FAM91A1: variants seen among roughly 807,000 people sequenced by gnomAD.
The protein encoded by FAM91A1 is family with sequence similarity 91 member A1, also known as protein FAM91A1.
A neutral mutation model predicts 113.5 loss-of-function variants in FAM91A1; 41 were observed. That is an observed-to-expected ratio of 0.36 (90% CI 0.28 to 0.47). The LOEUF is 0.47. Ranked by LOEUF, FAM91A1 falls within the 20% of genes least tolerant of loss-of-function variation. The pLI is 1.00. For missense variants in FAM91A1, 696 were observed against 1,001.2 expected (o/e 0.70, Z 4.11); for synonymous variants, 307 against 347.9 (o/e 0.88, Z 1.31).
chr8:123,779,545 A>G (rs923108310), intron 6 of FAM91A1, among the ~76,000 whole-genome samples: 1 of 152,198 alleles, frequency 6.6e-6, no homozygotes, highest in African/African-American at 2.4e-5. Flanking sequence ...TACTAAATCC[A>G]TTGAGTGGAA....
At chr8:123,792,321 A>G (rs960574333) in intron 15 of FAM91A1, among the ~76,000 whole-genome samples, 8 of 152,258 alleles carry the variant, frequency 5.3e-5, no homozygotes, top group African/African-American at 1.4e-4. Context: ...GCATTGTGAT[A>G]TTATACAAGC....
intron 18 of FAM91A1, among the ~76,000 whole-genome samples, chr8:123,803,228 C>T (rs1248247903): frequency 7.2e-6 from 1 of 139,632 alleles, no homozygotes; most frequent in Admixed American, 7.1e-5. Context: ...GTAGATCAAG[C>T]TAAGTTAGGT....
intron 1 of FAM91A1, among the ~76,000 whole-genome samples, chr8:123,769,711 A>AG: frequency 6.7e-6 from 1 of 148,634 alleles, no homozygotes; most frequent in Non-Finnish European, 1.5e-5. Flanking sequence ...ATTTTACTAA[A>AG]GAAAGACGTA....
intron 11 of FAM91A1, 138 bp from the exon 12 acceptor site, chr8:123,786,357 C>G: frequency 1.6e-6 from 1 of 640,910 alleles, no homozygotes; most frequent in Non-Finnish European, 2.8e-6. Flanking sequence ...CATTTTTGGG[C>G]TGCGACTTAA....
chr8:123,774,094 A>T lies in FAM91A1; in HGVS notation c.87A>T (p.Ser29=). The T allele has an allele frequency of 6.2e-7, 1 of 1,606,888 alleles. No homozygotes were observed. The highest frequency in any genetic ancestry group is 8.5e-7 in the Non-Finnish European group (1 of 1,177,140). The change falls in exon 2 of 24, where the codon TCA becomes TCT. Residue 29 remains serine (S), a synonymous_variant. Coordinates refer to ENST00000334705, the MANE Select transcript of FAM91A1 (RefSeq NM_144963.4). ...PANVRQSLGN[S]QREYEKQVVL... ...ATTTCTCCTAGAGTCTTGGAAATTCACAGAGAGAATATGAAAAGCAGGTTG... is the reference window on the plus strand; with the variant it reads ...ATTTCTCCTAGAGTCTTGGAAATTCTCAGAGAGAATATGAAAAGCAGGTTG...
chr8:123,806,073 T>C lies in FAM91A1; in HGVS notation c.1883-7T>C, dbSNP rs758469860. On this transcript the variant is annotated splice_polypyrimidine_tract_variant and splice_region_variant and intron_variant, in intron 19 of 23. Coordinates refer to ENST00000334705, the MANE Select transcript of FAM91A1 (RefSeq NM_144963.4). ...GTTCATTAATGTGATGTCCGTTCTG[T>C]TTGTAGAGTTCACTCGTGTCAATAT... 22 of 1,573,582 alleles carry C rather than the reference T, an allele frequency of 1.4e-5. No individual in the cohort carries two copies. The East Asian group carries it at 5.0e-4, about 36-fold the overall frequency.
chr8:123,780,608 A>G (rs1182689082), intron 8 of FAM91A1, 66 bp downstream of exon 8: 16 of 1,306,074 alleles, frequency 1.2e-5, no homozygotes, highest in Non-Finnish European at 1.6e-5. Flanking sequence ...ATTGCATATC[A>G]TCCGTTCTAG....
intron 15 of FAM91A1, 64 bp downstream of exon 15, chr8:123,789,809 C>G: frequency 6.4e-7 from 1 of 1,557,454 alleles, no homozygotes; most frequent in Non-Finnish European, 8.8e-7. Flanking sequence ...AGAAATTAAA[C>G]AGATCATGCT....
intron 4 of FAM91A1, 69 bp downstream of exon 4, chr8:123,777,391 A>G: frequency 1.4e-6 from 2 of 1,380,030 alleles, no homozygotes; most frequent in Non-Finnish European, 2.0e-6. Flanking sequence ...TCATCTGTGA[A>G]TATTGTCATG....
chr8:123,777,766 T>TA (rs1219021706), intron 4 of FAM91A1, among the ~76,000 whole-genome samples: 5 of 152,250 alleles, frequency 3.3e-5, no homozygotes, highest in Non-Finnish European at 5.9e-5. Context: ...CGCTGAGAAT[T>TA]ACATTTTGAC....
intron 6 of FAM91A1, 105 bp from the exon 7 acceptor site, chr8:123,779,879 GA>G: frequency 1.2e-6 from 1 of 856,016 alleles, no homozygotes; most frequent in Non-Finnish European, 1.8e-6. Flanking sequence ...GTAGTTCATT[GA>G]GCTAATGACA....
At chr8:123,770,864 T>C (rs542971895) in intron 1 of FAM91A1, among the ~76,000 whole-genome samples, 25 of 152,350 alleles carry the variant, frequency 1.6e-4, no homozygotes, top group Admixed American at 5.9e-4. Context: ...TTTGTAGATG[T>C]TGCAAAACAT....
chr8:123,797,288 A>G (rs191133260), intron 15 of FAM91A1, among the ~76,000 whole-genome samples: 1 of 152,324 alleles, frequency 6.6e-6, no homozygotes, highest in Admixed American at 6.5e-5. Flanking sequence ...CACTGCAGCT[A>G]AAGCAGATGG....
At position 123,780,559 on chromosome 8, in the gene FAM91A1, AT is replaced by A; in HGVS notation, c.703+22del. 1 of 1,603,034 alleles carries A rather than the reference AT, an allele frequency of 6.2e-7. No individual in the cohort carries two copies. The highest frequency in any genetic ancestry group is 8.5e-7 in the Non-Finnish European group (1 of 1,173,210). On this transcript the variant is annotated intron_variant, in intron 8 of 23. Transcript: ENST00000334705. ...GTATAGCAGGTAAGTCCGTGCTAAC[AT>A]TTTTCACTGTTTTTTGAATGGATAT...
rs909732826 is a variant in FAM91A1 at position 123,812,661 on chromosome 8, G to A, written c.2474G>A (p.Arg825Gln). ...GGTGTCTTATCAGAATGGAGTGGAC[G>A]GTCACCTTCCTCACTTCTTATTGCT... is the stretch of plus-strand genomic sequence containing the variant. ...KDGVLSEWSG[R>Q]SPSSLLIANL... Residue 825 changes from arginine to glutamine, a missense_variant, in exon 24 of 24, where the codon CGG (arginine) becomes CAG (glutamine). By Grantham distance (43) the Arg-to-Gln change is conservative. Coordinates refer to ENST00000334705, the MANE Select transcript of FAM91A1 (RefSeq NM_144963.4). 4.4e-6 allele frequency: 7 copies of A among 1,600,858 alleles called. No homozygotes were observed. The highest frequency in any genetic ancestry group is 2.7e-5 in the African/African-American group (2 of 73,996).
At chr8:123,798,839 A>G (rs1338105733) in intron 16 of FAM91A1, among the ~76,000 whole-genome samples, 1 of 152,184 alleles carries the variant, frequency 6.6e-6, no homozygotes. Flanking sequence ...AAAGGAAGGG[A>G]TTCTTGTACG....
At chr8:123,780,608 A>T in intron 8 of FAM91A1, 66 bp downstream of exon 8, 2 of 1,306,192 alleles carry the variant, frequency 1.5e-6, no homozygotes, top group Non-Finnish European at 2.2e-6. Context: ...ATTGCATATC[A>T]TCCGTTCTAG....
rs780586933 is a variant in FAM91A1 at position 123,789,691 on chromosome 8, C to T, written c.1357C>T (p.Arg453Cys). 6.2e-7 allele frequency: 1 copy of T among 1,612,900 alleles called. No individual in the cohort carries two copies. The highest frequency in any genetic ancestry group is 8.5e-7 in the Non-Finnish European group (1 of 1,179,786). The change falls in exon 15 of 24, where the codon CGT becomes TGT. Residue 453 changes from arginine (R) to cysteine (C), a missense_variant. Physicochemically the swap from Arg to Cys is radical, Grantham distance 180. Transcript: ENST00000334705. The part of the protein sequence containing the change: ...LTLRNTILFL[R>C]HNKDLVAQTA... ...TCTGAGAAACACAATACTGTTTCTG[C>T]GTCATAACAAAGATCTAGTTGCGCA... is the stretch of plus-strand genomic sequence containing the variant.
intron 9 of FAM91A1, 79 bp from the exon 10 acceptor site, chr8:123,785,002 A>T: frequency 9.4e-7 from 1 of 1,062,878 alleles, no homozygotes. Flanking sequence ...GCTGATTATG[A>T]TTATATTGGT....
Sources: allele counts gnomAD v4.1 joint callset (sites outside exome capture counted in the v4.1 genomes callset), GRCh38; gene constraint gnomAD v4.1.1; transcripts MANE v1.5; gene names NCBI Gene and HGNC (gene_info 2026-07-23, HGNC 2026-07-21).